Variants in NBAS observed in about 807,000 individuals in gnomAD.
NBAS encodes NAG/BC035112 fusion.
NBAS carries 219 observed loss-of-function variants against 302.5 expected under a neutral mutation model. The ratio of observed to expected loss-of-function variants is 0.72; its 90% confidence interval spans 0.65 to 0.81. The LOEUF (loss-of-function observed/expected upper bound fraction) is 0.81, where lower values mean the gene tolerates loss of function less well. Among genes scored for constraint, NBAS ranks in the 30% least tolerant of loss-of-function variants. NBAS has a pLI of 0.00. For missense variants in NBAS, 2,932 were observed against 2,841.6 expected (o/e 1.03, Z -0.72); for synonymous variants, 1,118 against 1,021.6 (o/e 1.09, Z -1.80).
chr2:15,204,321 TAAA>T (rs1474974203), intron 48 of NBAS, among the ~76,000 whole-genome samples: 1 of 151,986 alleles, frequency 6.6e-6, no homozygotes, highest in Non-Finnish European at 1.5e-5. Context: ...AGTCTAAACA[TAAA>T]AAGAGCTCTC....
At chr2:15,523,632 G>T (rs1373657510) in intron 9 of NBAS, among the ~76,000 whole-genome samples, 1 of 152,152 alleles carries the variant, frequency 6.6e-6, no homozygotes, top group Non-Finnish European at 1.5e-5. Flanking sequence ...TATTTCTATA[G>T]GCCAGGCGCA....
At chr2:15,059,999 GA>G in the NBAS span, among the ~76,000 whole-genome samples, 37 of 140,864 alleles carry the variant, frequency 2.6e-4, no homozygotes, top group Non-Finnish European at 4.9e-4. Flanking sequence ...ACTCCACGTA[GA>G]AGTGTCGTCA....
At chr2:15,168,034 C>T (rs913159466) in intron 51 of NBAS, among the ~76,000 whole-genome samples, 9 of 152,100 alleles carry the variant, frequency 5.9e-5, no homozygotes, top group South Asian at 4.2e-4. Context: ...TTTCAGTTTG[C>T]GTATTCTCTT....
chr2:15,402,810 C>T lies in NBAS; in HGVS notation c.2938-509G>A, dbSNP rs186693263. 7.3e-5 allele frequency among the ~76,000 whole-genome samples: 11 copies of T among 149,978 alleles called. 1 individual carries two copies. The South Asian group carries it at 1.5e-3, about 20-fold the overall frequency. On this transcript the variant is annotated intron_variant, in intron 25 of 51. Transcript: ENST00000281513. ...AGATCAATACACAAATCACAGAACA[C>T]ATTCCATATTTCTGATGAAGAAAGA...
At chr2:14,891,205 G>A in the NBAS span, among the ~76,000 whole-genome samples, 15 of 152,174 alleles carry the variant, frequency 9.9e-5, no homozygotes, top group East Asian at 3.9e-4. Flanking sequence ...GCTGGGCTAC[G>A]GGACAGGAGT....
At chr2:15,171,673 C>T (rs1037853763) in intron 51 of NBAS, among the ~76,000 whole-genome samples, 11 of 152,140 alleles carry the variant, frequency 7.2e-5, no homozygotes, top group Admixed American at 5.2e-4. Context: ...CGCACAAATT[C>T]GTATGTCGAA....
intron 38 of NBAS, among the ~76,000 whole-genome samples, chr2:15,321,630 C>T (rs2148203054): frequency 2.0e-5 from 3 of 152,220 alleles, no homozygotes; most frequent in Middle Eastern, 6.8e-3. Flanking sequence ...AGCCAACAGA[C>T]ACATGAAAAA....
intron 47 of NBAS, among the ~76,000 whole-genome samples, chr2:15,230,051 G>A (rs189371048): frequency 1.3e-5 from 2 of 152,228 alleles, no homozygotes; most frequent in African/African-American, 2.4e-5. Flanking sequence ...GGGTGTCCAG[G>A]TTATGAGTTT....
chr2:15,034,527 C>A, the NBAS span, among the ~76,000 whole-genome samples: 1 of 152,038 alleles, frequency 6.6e-6, no homozygotes, highest in Non-Finnish European at 1.5e-5. Context: ...TTTGTTGTAG[C>A]AGCCTGAACT....
intron 35 of NBAS, among the ~76,000 whole-genome samples, chr2:15,333,840 TAA>T (rs554151194): frequency 9.6e-4 from 89 of 92,310 alleles, no homozygotes; most frequent in Middle Eastern, 6.8e-3. Context: ...ACAGTGGAGG[TAA>T]AAAAAAAAAA....
At chr2:15,493,469 A>G (rs1275815452) in intron 11 of NBAS, among the ~76,000 whole-genome samples, 1 of 152,150 alleles carries the variant, frequency 6.6e-6, no homozygotes, top group Non-Finnish European at 1.5e-5. Context: ...GGAGTTCAAG[A>G]CCAGCCTGGT....
chr2:15,529,875 T>C (rs1663138277), intron 9 of NBAS, among the ~76,000 whole-genome samples: 1 of 152,240 alleles, frequency 6.6e-6, no homozygotes. Flanking sequence ...GATTTTATAA[T>C]TGTAATATGT....
intron 25 of NBAS, among the ~76,000 whole-genome samples, chr2:15,409,523 A>G (rs781521552): frequency 5.3e-5 from 8 of 152,336 alleles, no homozygotes; most frequent in Non-Finnish European, 1.0e-4. Flanking sequence ...CAAGATTTCA[A>G]TTCTTTAATT....
intron 40 of NBAS, among the ~76,000 whole-genome samples, chr2:15,304,349 G>T (rs1670937244): frequency 6.6e-6 from 1 of 152,124 alleles, no homozygotes; most frequent in Non-Finnish European, 1.5e-5. Context: ...GGCCTCCCCA[G>T]CCATGCTGAA....
the NBAS span, among the ~76,000 whole-genome samples, chr2:15,019,798 A>G: frequency 2.4e-4 from 35 of 147,968 alleles, no homozygotes; most frequent in African/African-American, 8.1e-4. Context: ...CTTCCACCAT[A>G]TGATGATAGG....
chr2:15,452,050 C>G (rs898739853), intron 21 of NBAS, among the ~76,000 whole-genome samples: 1 of 150,988 alleles, frequency 6.6e-6, no homozygotes, highest in East Asian at 1.9e-4. Flanking sequence ...CACTTACATG[C>G]CATACCTAGA....
At chr2:15,078,011 CTG>C in the NBAS span, among the ~76,000 whole-genome samples, 3 of 152,102 alleles carry the variant, frequency 2.0e-5, no homozygotes, top group Non-Finnish European at 4.4e-5. Context: ...AAGGAGGTCT[CTG>C]AATCATGATT....
intron 10 of NBAS, among the ~76,000 whole-genome samples, chr2:15,505,888 G>A (rs1661822440): frequency 6.6e-6 from 1 of 151,940 alleles, no homozygotes; most frequent in South Asian, 2.1e-4. Flanking sequence ...ACTGAAAATA[G>A]AACTGGACAA....
chr2:15,349,547 G>A (rs1673251763), intron 35 of NBAS, among the ~76,000 whole-genome samples: 1 of 152,214 alleles, frequency 6.6e-6, no homozygotes, highest in Admixed American at 6.5e-5. Flanking sequence ...TGCCTGCAGT[G>A]CTGGTGGCTG....
Sources: allele counts gnomAD v4.1 joint callset (sites outside exome capture counted in the v4.1 genomes callset), GRCh38; gene constraint gnomAD v4.1.1; transcripts MANE v1.5; gene names NCBI Gene and HGNC (gene_info 2026-07-23, HGNC 2026-07-21).